The following SPIDR variants were observed in gnomAD, a reference collection of about 807,000 sequenced individuals.
SPIDR encodes DNA repair-scaffolding protein.
SPIDR carries 93 observed loss-of-function variants against 104.6 expected under a neutral mutation model. That is an observed-to-expected ratio of 0.89 (90% CI 0.75 to 1.06). The LOEUF is 1.06. Ranked by LOEUF, SPIDR falls within the 50% of genes least tolerant of loss-of-function variation. The pLI, the probability that SPIDR is intolerant of heterozygous loss-of-function variation, is 0.00. For synonymous variants in SPIDR, 431 were observed against 416.9 expected, an observed-to-expected ratio of 1.03 and a Z score of -0.41; for missense variants, 1,154 against 1,111.2, an observed-to-expected ratio of 1.04 and a Z score of -0.55.
chr8:47,344,722 A>T (rs1367819043), intron 5 of SPIDR, among the ~76,000 whole-genome samples: 1 of 152,212 alleles, frequency 6.6e-6, no homozygotes, highest in African/African-American at 2.4e-5. Context: ...ATGGCCAGTG[A>T]TGATGAGCAT....
chr8:47,350,109 G>T (rs1302616929), intron 5 of SPIDR, among the ~76,000 whole-genome samples: 1 of 152,064 alleles, frequency 6.6e-6, no homozygotes, highest in African/African-American at 2.4e-5. Context: ...TGGAATGATC[G>T]GGTTTTTCTT....
At chr8:47,713,406 G>C in intron 15 of SPIDR, 83 bp from the exon 16 acceptor site, 1 of 1,586,768 alleles carries the variant, frequency 6.3e-7, no homozygotes, top group Non-Finnish European at 8.6e-7. Flanking sequence ...CATGACTCGA[G>C]GGGTAGCAAA....
rs1043192945 is a variant in SPIDR at position 47,712,842 on chromosome 8, C to T, written c.2158C>T (p.Leu720Phe). ...ACTCGCTGGGGCTGCCCCTCACAGC[C>T]TCTTCTTCAAGGACGCTCTCCGTGA... ...EALAGAAPHS[L>F]FFKDALRDQG... Residue 720 changes from leucine to phenylalanine, a missense_variant, in exon 15 of 20, where the codon CTC (leucine) becomes TTC (phenylalanine). Physicochemically the swap from Leu to Phe is conservative, Grantham distance 22. Transcript: ENST00000297423. 1 of 1,614,136 alleles carries T rather than the reference C, an allele frequency of 6.2e-7. No homozygotes were observed. Among genetic ancestry groups the T allele is most frequent in the African/African-American group, 1.3e-5 (1 of 75,054 alleles).
At chr8:47,453,712 A>T (rs1436019183) in intron 8 of SPIDR, among the ~76,000 whole-genome samples, 1 of 152,186 alleles carries the variant, frequency 6.6e-6, no homozygotes, top group Admixed American at 6.5e-5. Context: ...TAAATTCAAG[A>T]TGGATTAAAG....
At chr8:47,502,708 A>G (rs573235904) in intron 8 of SPIDR, among the ~76,000 whole-genome samples, 1 of 152,054 alleles carries the variant, frequency 6.6e-6, no homozygotes, top group South Asian at 2.1e-4. Flanking sequence ...TTGTTTCTCT[A>G]GTTCTTTTAA....
At chr8:47,274,890 A>G (rs2036071086) in intron 1 of SPIDR, among the ~76,000 whole-genome samples, 1 of 151,502 alleles carries the variant, frequency 6.6e-6, no homozygotes, top group African/African-American at 2.4e-5. Flanking sequence ...AGTTTTAAAC[A>G]ATTGTTCTCA....
chr8:47,734,495 C>T (rs1441419767), intron 19 of SPIDR, among the ~76,000 whole-genome samples: 1 of 152,158 alleles, frequency 6.6e-6, no homozygotes, highest in Non-Finnish European at 1.5e-5. Context: ...AGTTAATAGA[C>T]ACCAAACAGA....
At chr8:47,474,878 T>TA (rs2076112271) in intron 8 of SPIDR, among the ~76,000 whole-genome samples, 1 of 152,270 alleles carries the variant, frequency 6.6e-6, no homozygotes, top group Non-Finnish European at 1.5e-5. Context: ...TGAAAGCAGT[T>TA]ACATCTGTGG....
chr8:47,665,956 A>G (rs1014245541), intron 10 of SPIDR, among the ~76,000 whole-genome samples: 12 of 152,212 alleles, frequency 7.9e-5, no homozygotes, highest in African/African-American at 2.9e-4. Context: ...ATAGAACATA[A>G]TTTGGAAAAG....
chr8:47,289,134 C>T (rs1249978453), intron 3 of SPIDR, among the ~76,000 whole-genome samples: 1 of 152,092 alleles, frequency 6.6e-6, no homozygotes, highest in Non-Finnish European at 1.5e-5. Flanking sequence ...CTTCAGACTC[C>T]CAAGTAGCTG....
At chr8:47,309,503 C>T (rs2043733594) in intron 5 of SPIDR, among the ~76,000 whole-genome samples, 1 of 152,098 alleles carries the variant, frequency 6.6e-6, no homozygotes, top group South Asian at 2.1e-4. Context: ...TCATCATCTC[C>T]CTTCTTGTAT....
chr8:47,720,369 A>G (rs1194155609), intron 16 of SPIDR, among the ~76,000 whole-genome samples: 1 of 152,216 alleles, frequency 6.6e-6, no homozygotes, highest in Non-Finnish European at 1.5e-5. Context: ...GCTGGATCAT[A>G]TGTTTAGTTT....
At chr8:47,646,478 C>G (rs556278945) in intron 10 of SPIDR, among the ~76,000 whole-genome samples, 3 of 152,212 alleles carry the variant, frequency 2.0e-5, no homozygotes, top group Admixed American at 2.0e-4. Flanking sequence ...ATTCCTTGCC[C>G]CATTCTTTGT....
At chr8:47,532,816 G>A (rs1370068469) in intron 8 of SPIDR, among the ~76,000 whole-genome samples, 4 of 152,174 alleles carry the variant, frequency 2.6e-5, no homozygotes, top group African/African-American at 9.6e-5. Context: ...TCATTCAACA[G>A]CAGCAGAATA....
chr8:47,607,526 TTG>T (rs1464497420), intron 10 of SPIDR, among the ~76,000 whole-genome samples: 1 of 152,038 alleles, frequency 6.6e-6, no homozygotes, highest in African/African-American at 2.4e-5. Flanking sequence ...GCCTTAGCCT[TTG>T]TGTGTGTTTG....
chr8:47,355,271 T>TAAAAAAAAAAAAAAAAAAAA (rs34902790), intron 5 of SPIDR, among the ~76,000 whole-genome samples: 21 of 116,552 alleles, frequency 1.8e-4, no homozygotes, highest in African/African-American at 6.3e-4. Flanking sequence ...AGGTTTTTTG[T>TAAAAAAAAAAAAAAAAAAAA]AAAAAAAAAA....
chr8:47,420,625 A>G (rs1307047578), intron 7 of SPIDR, among the ~76,000 whole-genome samples: 1 of 152,130 alleles, frequency 6.6e-6, no homozygotes, highest in Non-Finnish European at 1.5e-5. Context: ...TTTAAAGTTA[A>G]TATTGTTAGG....
chr8:47,323,840 G>C (rs192551517), intron 5 of SPIDR, among the ~76,000 whole-genome samples: 1 of 152,150 alleles, frequency 6.6e-6, no homozygotes. Flanking sequence ...AGAACCCATG[G>C]ACACCTTTAT....
chr8:47,701,851 G>C lies in SPIDR; in HGVS notation c.1904G>C (p.Arg635Thr). Residue 635 changes from arginine (R) to threonine (T), a missense_variant, in exon 13 of 20, where the codon AGA becomes ACA. Arg to Thr is a moderately conservative substitution (Grantham distance 71, BLOSUM62 -1). Coordinates refer to ENST00000297423, the MANE Select transcript of SPIDR (RefSeq NM_001080394.4). ...CAGCCTCCAGTTACCCGCTGCTTAAGAGACATTCTCCAGGTAATGTCTTTG... is the reference window on the plus strand; with the variant it reads ...CAGCCTCCAGTTACCCGCTGCTTAACAGACATTCTCCAGGTAATGTCTTTG... ...LYQPPVTRCLRDILQMNDLGT... is the reference protein window; with the variant it reads ...LYQPPVTRCLTDILQMNDLGT... 1 of 1,614,106 alleles carries C rather than the reference G, an allele frequency of 6.2e-7. No homozygotes were observed. Among genetic ancestry groups the C allele is most frequent in the Non-Finnish European group, 8.5e-7 (1 of 1,180,030 alleles).
Sources: gnomAD v4.1 joint callset for allele counts (sites outside exome capture counted in the v4.1 genomes callset) on GRCh38, gnomAD v4.1.1 for gene constraint, MANE v1.5 for transcripts, NCBI Gene and HGNC (gene_info 2026-07-23, HGNC 2026-07-21) for gene names.